FBXO16: variants seen among roughly 807,000 people sequenced by gnomAD.
FBXO16 encodes the protein F-box protein 16.
Under a neutral mutation model 41.0 loss-of-function variants are expected in FBXO16, and 31 were observed. The ratio of observed to expected loss-of-function variants is 0.76; its 90% confidence interval spans 0.57 to 1.02. The LOEUF (loss-of-function observed/expected upper bound fraction) is 1.02. FBXO16 is among the 50% of genes least tolerant of loss of function. The pLI, the probability that FBXO16 is intolerant of heterozygous loss-of-function variation, is 0.00. For synonymous variants in FBXO16, 133 were observed against 117.8 expected, an observed-to-expected ratio of 1.13 and a Z score of -0.84; for missense variants, 361 against 346.2, an observed-to-expected ratio of 1.04 and a Z score of -0.34.
chr8:28,475,860 C>T (rs1381575135), intron 2 of FBXO16, among the ~76,000 whole-genome samples: 3 of 152,070 alleles, frequency 2.0e-5, no homozygotes, highest in Admixed American at 6.6e-5. Flanking sequence ...TAAAATGAAT[C>T]CTAAAGGTCT....
At chr8:28,429,504 C>T (rs186106765) in intron 7 of FBXO16, 101 bp from the exon 8 acceptor site, 120 of 1,408,470 alleles carry the variant, frequency 8.5e-5, no homozygotes, top group Admixed American at 1.2e-4. Flanking sequence ...CTTCAAAGTT[C>T]GCCCTTATCT....
intron 2 of FBXO16, among the ~76,000 whole-genome samples, chr8:28,479,936 A>G (rs560683944): frequency 1.3e-5 from 2 of 150,462 alleles, no homozygotes; most frequent in African/African-American, 4.9e-5. Flanking sequence ...AGGTCGCACT[A>G]TGTTGCCCAG....
At chr8:28,482,609 T>C (rs1026100002) in intron 2 of FBXO16, among the ~76,000 whole-genome samples, 4 of 152,138 alleles carry the variant, frequency 2.6e-5, no homozygotes, top group Middle Eastern at 3.2e-3. Flanking sequence ...TTCCTCTTGT[T>C]GCCCAAGCGG....
intron 3 of FBXO16, among the ~76,000 whole-genome samples, chr8:28,471,432 C>T (rs1056984232): frequency 2.0e-5 from 3 of 149,580 alleles, no homozygotes; most frequent in African/African-American, 5.1e-5. Context: ...CCTTCCTTCC[C>T]TCCTTCCTTC....
chr8:28,456,921 G>A lies in FBXO16; in HGVS notation c.352C>T (p.His118Tyr). ...SLCRCAQVCW[H>Y]WKNLAELDQL... ...TCCAGCTCAGCAAGGTTCTTCCAAT[G>A]CCAGCACACCTGGAAAAACAATTAC... Residue 118 changes from histidine (H) to tyrosine (Y), a missense_variant, in exon 5 of 9, where the codon CAT becomes TAT. Physicochemically the swap from His to Tyr is moderately conservative, Grantham distance 83. Coordinates refer to ENST00000380254, the MANE Select transcript of FBXO16 (RefSeq NM_172366.4). 1 of 1,612,590 alleles carries A rather than the reference G, an allele frequency of 6.2e-7. No individual in the cohort carries two copies. The highest frequency in any genetic ancestry group is 8.5e-7 in the Non-Finnish European group (1 of 1,179,310).
At chr8:28,440,182 C>T (rs539868195) in intron 7 of FBXO16, among the ~76,000 whole-genome samples, 6 of 151,908 alleles carry the variant, frequency 3.9e-5, no homozygotes, top group Middle Eastern at 3.2e-3. Flanking sequence ...GGCTCACTGC[C>T]CCCTTAACCT....
chr8:28,430,619 A>G (rs947530732), intron 7 of FBXO16, among the ~76,000 whole-genome samples: 12 of 152,328 alleles, frequency 7.9e-5, no homozygotes, highest in Admixed American at 1.3e-4. Context: ...AGCATAAGGT[A>G]AGAAAATAAA....
At chr8:28,451,875 T>C (rs1261601645) in intron 6 of FBXO16, among the ~76,000 whole-genome samples, 1 of 151,832 alleles carries the variant, frequency 6.6e-6, no homozygotes, top group Non-Finnish European at 1.5e-5. Flanking sequence ...CCCCAGCTAC[T>C]TGGTAGGCTG....
intron 2 of FBXO16, 52 bp downstream of exon 2, chr8:28,483,295 CT>C: frequency 6.8e-7 from 1 of 1,479,774 alleles, no homozygotes; most frequent in South Asian, 1.2e-5. Flanking sequence ...ATTTTAATAT[CT>C]TTTTTCCTTT....
chr8:28,431,629 A>G (rs1436748599), intron 7 of FBXO16, among the ~76,000 whole-genome samples: 1 of 152,162 alleles, frequency 6.6e-6, no homozygotes, highest in Non-Finnish European at 1.5e-5. Flanking sequence ...TAGACTTAAC[A>G]GCAAGAAGCA....
chr8:28,439,112 A>G (rs1802726987), intron 7 of FBXO16, among the ~76,000 whole-genome samples: 1 of 151,808 alleles, frequency 6.6e-6, no homozygotes, highest in African/African-American at 2.4e-5. Flanking sequence ...AAAAAAAAGA[A>G]AAGAAAAGAA....
chr8:28,438,283 T>G (rs530382658), intron 7 of FBXO16, among the ~76,000 whole-genome samples: 1 of 151,992 alleles, frequency 6.6e-6, no homozygotes, highest in South Asian at 2.1e-4. Flanking sequence ...ATCACTGCAT[T>G]CCGGCCTGGG....
chr8:28,451,853 G>A (rs1475838658), intron 6 of FBXO16, among the ~76,000 whole-genome samples: 3 of 151,932 alleles, frequency 2.0e-5, no homozygotes, highest in Admixed American at 2.0e-4. Context: ...GCATCGTGGC[G>A]GTCGCCTGTA....
chr8:28,429,482 G>C, intron 7 of FBXO16, 79 bp from the exon 8 acceptor site: 1 of 1,539,840 alleles, frequency 6.5e-7, no homozygotes, highest in Non-Finnish European at 9.0e-7. Context: ...AAGGGAGAGA[G>C]AGTGAGGCAC....
At chr8:28,429,491 A>C in intron 7 of FBXO16, 88 bp from the exon 8 acceptor site, 1 of 1,506,176 alleles carries the variant, frequency 6.6e-7, no homozygotes, top group Non-Finnish European at 9.2e-7. Context: ...AGAGTGAGGC[A>C]CTCTTCAAAG....
At chr8:28,444,670 C>T (rs180865783) in intron 7 of FBXO16, among the ~76,000 whole-genome samples, 14 of 150,240 alleles carry the variant, frequency 9.3e-5, no homozygotes, top group South Asian at 6.3e-4. Flanking sequence ...TTAGTAGAGA[C>T]GGGATTTCAC....
intron 7 of FBXO16, among the ~76,000 whole-genome samples, chr8:28,443,266 C>T (rs1802808683): frequency 1.3e-5 from 2 of 152,142 alleles, no homozygotes; most frequent in Non-Finnish European, 2.9e-5. Flanking sequence ...CTCAATTATT[C>T]TCTCATCTCA....
chr8:28,462,281 T>C (rs867684214), intron 4 of FBXO16, among the ~76,000 whole-genome samples: 2,134 of 146,414 alleles, frequency 0.015, 50 homozygotes, highest in African/African-American at 0.053. Flanking sequence ...CTTCTTCTTT[T>C]TTTTTTTTTT....
In FBXO16 at chr8:28,451,857, G is replaced by A. The variant is rs931586642; in HGVS notation, c.740+387C>T. Among the ~76,000 whole-genome samples the A allele has an allele frequency of 1.6e-4, 25 of 151,916 alleles. 1 individual carries two copies. Among genetic ancestry groups the A allele is most frequent in the Admixed American group, 1.3e-3 (20 of 15,252 alleles). ...AAATTAGCTGGGCATCGTGGCGGTC[G>A]CCTGTAGCCCCAGCTACTTGGTAGG... On this transcript the variant is annotated intron_variant, in intron 6 of 8. Coordinates refer to ENST00000380254, the MANE Select transcript of FBXO16 (RefSeq NM_172366.4).
Sources: allele counts gnomAD v4.1 joint callset (sites outside exome capture counted in the v4.1 genomes callset), GRCh38; gene constraint gnomAD v4.1.1; transcripts MANE v1.5; gene names NCBI Gene and HGNC (gene_info 2026-07-23, HGNC 2026-07-21).